Variants in PRR14 observed in about 807,000 individuals in gnomAD.
PRR14 encodes the protein proline rich 14, also known as proline-rich protein 14.
A neutral mutation model predicts 57.2 loss-of-function variants in PRR14; 33 were observed. The observed-to-expected ratio is 0.58, with a 90% CI of 0.44 to 0.77. The LOEUF is 0.77. PRR14 is among the 30% of genes least tolerant of loss of function. PRR14 has a pLI of 0.00. For missense variants in PRR14, 716 were observed against 788.1 expected (o/e 0.91, Z 1.10); for synonymous variants, 303 against 314.7 (o/e 0.96, Z 0.39).
chr16:30,655,342 T>C lies in PRR14; in HGVS notation c.1245-9T>C, dbSNP rs2052359413. On this transcript the variant is annotated splice_polypyrimidine_tract_variant and intron_variant, in intron 8 of 11. Transcript: ENST00000300835. The surrounding 1 kb of genome is among the most constrained non-coding windows in gnomAD (Gnocchi z 4.6). ...CCTGTTTGTCCCTGAGCCTTGACCT[T>C]CTTGGCAGGTTGGGTTCAACCAAAG... The C allele has an allele frequency of 1.2e-6, 2 of 1,613,828 alleles. No individual in the cohort carries two copies. Among genetic ancestry groups the C allele is most frequent in the African/African-American group, 2.7e-5 (2 of 74,922 alleles).
rs1334659599 is a variant in PRR14 at position 30,655,199 on chromosome 16, A to G, written c.1229A>G (p.Glu410Gly). ...TCCACGGCATCCACTTCCTTCTCCG[A>G]ACCAGCAGAACCCAGGTAGTGCTCT... is the stretch of plus-strand genomic sequence containing the variant. ...CSSTASTSFS[E>G]PAEPRLGSTK... The change falls in exon 8 of 12, where the codon GAA (glutamate) becomes GGA (glycine). Residue 410 changes from glutamate (E) to glycine (G), a missense_variant. Coordinates refer to ENST00000300835, the MANE Select transcript of PRR14 (RefSeq NM_024031.5). This position sits in a 1 kb window ranked among gnomAD's most constrained non-coding sequence, Gnocchi z 4.6. The G allele has an allele frequency of 3.8e-6, 6 of 1,593,336 alleles. No homozygotes were observed. The African/African-American group carries it at 6.7e-5, about 18-fold the overall frequency.
intron 6 of PRR14, 53 bp downstream of exon 6, chr16:30,653,461 C>G: frequency 6.4e-7 from 1 of 1,559,406 alleles, no homozygotes; most frequent in Non-Finnish European, 8.8e-7. Flanking sequence ...AGCCATCATC[C>G]AGGTAGCCAG....
intron 5 of PRR14, 89 bp from the exon 6 acceptor site, chr16:30,653,276 A>G: frequency 6.7e-7 from 1 of 1,487,212 alleles, no homozygotes; most frequent in Non-Finnish European, 9.4e-7. Flanking sequence ...CGTGAACCCA[A>G]GCAGCTATCC....
In PRR14 at chr16:30,655,209, A is replaced by G; in HGVS notation, c.1239A>G (p.Glu413=). 2 of 1,592,574 alleles carry G rather than the reference A, an allele frequency of 1.3e-6. No homozygotes were observed. The highest frequency in any genetic ancestry group is 2.2e-5 in the East Asian group (1 of 44,548). ...CCACTTCCTTCTCCGAACCAGCAGAACCCAGGTAGTGCTCTCAAAAAACCC... is the reference window on the plus strand; with the variant it reads ...CCACTTCCTTCTCCGAACCAGCAGAGCCCAGGTAGTGCTCTCAAAAAACCC... ...TASTSFSEPA[E]PRLGSTKGKE... Residue 413 remains glutamate, a synonymous_variant, in exon 8 of 12, where the codon GAA becomes GAG. Coordinates refer to ENST00000300835, the MANE Select transcript of PRR14 (RefSeq NM_024031.5). This position sits in a 1 kb window ranked among gnomAD's most constrained non-coding sequence, Gnocchi z 4.6.
Position 30,655,105 on chromosome 16 carries a change from T to C in PRR14, c.1135T>C (p.Cys379Arg), listed in dbSNP as rs1395659859. Residue 379 changes from cysteine (C) to arginine (R), a missense_variant, in exon 8 of 12, where the codon TGT (cysteine) becomes CGT (arginine). Coordinates refer to ENST00000300835, the MANE Select transcript of PRR14 (RefSeq NM_024031.5). The surrounding 1 kb of genome is among the most constrained non-coding windows in gnomAD (Gnocchi z 4.6). ...MARAPPPPRP[C>R]LRKEVFPLGG... is the part of the protein sequence containing the mutation. ...CCGAGCCCCGCCACCCCCTCGGCCC[T>C]GTCTCCGGAAAGAGGTCTTCCCTCT... The C allele has an allele frequency of 6.2e-7, 1 of 1,611,894 alleles. No individual in the cohort carries two copies. Among genetic ancestry groups the C allele is most frequent in the Non-Finnish European group, 8.5e-7 (1 of 1,179,918 alleles).
In PRR14 at chr16:30,656,276, G is replaced by GA. The variant is rs1391682356; in HGVS notation, c.1726dup (p.Thr576AsnfsTer21). On this transcript the variant is annotated frameshift_variant, in exon 12 of 12. Coordinates refer to ENST00000300835, the MANE Select transcript of PRR14 (RefSeq NM_024031.5). LOFTEE classifies it high-confidence loss of function. Reference sequence around the variant, plus strand: ...GCTAGATGCCTTGCTCCTGGAGGAAGAAACAGTAGATCGGGAGCAGCCCCA... The same window carrying GA: ...GCTAGATGCCTTGCTCCTGGAGGAAGAAAACAGTAGATCGGGAGCAGCCCCA... 23 of 1,613,034 alleles carry GA rather than the reference G, an allele frequency of 1.4e-5. No homozygotes were observed. Among genetic ancestry groups the GA allele is most frequent in the Non-Finnish European group, 1.8e-5 (21 of 1,179,994 alleles).
Position 30,655,480 on chromosome 16 carries a change from A to G in PRR14, c.1315-22A>G, listed in dbSNP as rs1171091607. On this transcript the variant is annotated intron_variant, in intron 9 of 11. Transcript: ENST00000300835. This position sits in a 1 kb window ranked among gnomAD's most constrained non-coding sequence, Gnocchi z 4.6. ...GGGCCTGAGCCCATGTCACTCTTTC[A>G]CCCTCTGCCCCATTTTTGCAGACCA... 1.9e-6 allele frequency: 3 copies of G among 1,613,682 alleles called. No individual in the cohort carries two copies. Among genetic ancestry groups the G allele is most frequent in the Non-Finnish European group, 2.5e-6 (3 of 1,179,760 alleles).
At position 30,655,834 on chromosome 16, in the gene PRR14, A is replaced by G. The variant is rs1158159634; in HGVS notation, c.1407-34A>G. 1.9e-6 allele frequency: 3 copies of G among 1,611,738 alleles called. No individual in the cohort carries two copies. The highest frequency in any genetic ancestry group is 2.5e-6 in the Non-Finnish European group (3 of 1,177,764). Reference sequence around the variant, plus strand: ...TGTCCCTTCAGGCCCCACTGGCCCAAGGTTTCTCAGTGGCCTCTGCTCTTT... The same window carrying G: ...TGTCCCTTCAGGCCCCACTGGCCCAGGGTTTCTCAGTGGCCTCTGCTCTTT... On this transcript the variant is annotated intron_variant, in intron 10 of 11. Transcript: ENST00000300835. The surrounding 1 kb of genome is among the most constrained non-coding windows in gnomAD (Gnocchi z 4.6).
At position 30,656,376 on chromosome 16, in the gene PRR14, T is replaced by C. The variant is rs1007761790; in HGVS notation, c.*65T>C. The C allele has an allele frequency of 2.5e-5, 36 of 1,436,914 alleles. No homozygotes were observed. The highest frequency in any genetic ancestry group is 2.8e-5 in the Non-Finnish European group (30 of 1,073,640). The allele number at this position is 1,436,914 out of a possible 1,614,324, so 89.0% of individuals were successfully genotyped here. ...AACCTCCCAGGCAGTTATTTTTTTT[T>C]CTCTATATTTCTAGTAAAGTTTTCG... On this transcript the variant is annotated 3_prime_UTR_variant, in exon 12 of 12. Transcript: ENST00000300835.
In PRR14 at chr16:30,655,677, AG is replaced by A. The variant is rs1292459556; in HGVS notation, c.1406+87del. On this transcript the variant is annotated intron_variant, in intron 10 of 11. Coordinates refer to ENST00000300835, the MANE Select transcript of PRR14 (RefSeq NM_024031.5). The surrounding 1 kb of genome is among the most constrained non-coding windows in gnomAD (Gnocchi z 4.6). ...CTGAAGTATAGCTTTGTCTCCCCTC[AG>A]GGAGCACAGTCCAGCCTGAAAGATT... The A allele has an allele frequency of 2.9e-6, 4 of 1,383,188 alleles. No homozygotes were observed. The Admixed American group carries it at 7.1e-5, about 25-fold the overall frequency. 85.7% of individuals were successfully genotyped at this position (1,383,188 alleles called of 1,614,324 possible). A position where few individuals can be genotyped will look rare whatever the true frequency, so the allele number is the denominator to read the frequency against.
rs756867357 is a variant in PRR14, at chr16:30,655,493, T to C, written c.1315-9T>C. On this transcript the variant is annotated splice_polypyrimidine_tract_variant and intron_variant, in intron 9 of 11. Coordinates refer to ENST00000300835, the MANE Select transcript of PRR14 (RefSeq NM_024031.5). The surrounding 1 kb of genome is among the most constrained non-coding windows in gnomAD (Gnocchi z 4.6). ...TGTCACTCTTTCACCCTCTGCCCCA[T>C]TTTTGCAGACCATGGGAAAGGTTTC... The C allele has an allele frequency of 3.1e-6, 5 of 1,614,098 alleles. 1 individual carries two copies. In the South Asian group the frequency reaches 5.5e-5, roughly 18 times the overall value.
At position 30,654,806 on chromosome 16, in the gene PRR14, CAAT is replaced by C; in HGVS notation, c.837_839del (p.Met280del). On this transcript the variant is annotated inframe_deletion, in exon 8 of 12. Transcript: ENST00000300835. ...CCACAGCCCCCACCCCCGTCCCCCCCAATGAAGCTGGAGTTGAAGATCGCCATC... is the reference window on the plus strand; with the variant it reads ...CCACAGCCCCCACCCCCGTCCCCCCCGAAGCTGGAGTTGAAGATCGCCATC... 6.2e-7 allele frequency: 1 copy of C among 1,601,920 alleles called. No homozygotes were observed. Among genetic ancestry groups the C allele is most frequent in the Non-Finnish European group, 8.5e-7 (1 of 1,171,462 alleles).
At position 30,654,763 on chromosome 16, in the gene PRR14, C is replaced by T. The variant is rs998735188; in HGVS notation, c.793C>T (p.Leu265Phe). The change falls in exon 8 of 12, where the codon CTC becomes TTC. Residue 265 changes from leucine (L) to phenylalanine (F), a missense_variant. Transcript: ENST00000300835. ...GCTGGAGAGCTTTGCTGACATCTTCCTCACGCCCAACAAAACCCCACAGCC... is the reference window on the plus strand; with the variant it reads ...GCTGGAGAGCTTTGCTGACATCTTCTTCACGCCCAACAAAACCCCACAGCC... ...SKLESFADIFLTPNKTPQPPP... is the reference protein window; with the variant it reads ...SKLESFADIFFTPNKTPQPPP... 2 of 1,613,282 alleles carry T rather than the reference C, an allele frequency of 1.2e-6. No homozygotes were observed. The highest frequency in any genetic ancestry group is 8.5e-7 in the Non-Finnish European group (1 of 1,179,718).
chr16:30,650,792 C>G, upstream of PRR14: 1 of 241,186 alleles, frequency 4.1e-6, no homozygotes, highest in Non-Finnish European at 9.1e-6. Context: ...GACCCGGGAT[C>G]CACGGGAGGC....
upstream of PRR14, chr16:30,650,894 C>T: frequency 2.4e-6 from 1 of 410,620 alleles, no homozygotes. Context: ...CATCTGGTCC[C>T]GGGCCGGGGG....
intron 3 of PRR14, 35 bp from the exon 4 acceptor site, chr16:30,652,686 T>TATC (rs1199637032): frequency 6.2e-7 from 1 of 1,614,024 alleles, no homozygotes; most frequent in Non-Finnish European, 8.5e-7. Flanking sequence ...AGCCTCATTC[T>TATC]ATCACCTTGC....
In PRR14 at chr16:30,655,496, T is replaced by C. The variant is rs117311765; in HGVS notation, c.1315-6T>C. 2.1e-4 allele frequency: 331 copies of C among 1,614,220 alleles called. No homozygotes were observed. Among genetic ancestry groups the C allele is most frequent in the Non-Finnish European group, 2.7e-4 (316 of 1,180,018 alleles). ...CACTCTTTCACCCTCTGCCCCATTT[T>C]TGCAGACCATGGGAAAGGTTTCTCG... On this transcript the variant is annotated splice_region_variant and splice_polypyrimidine_tract_variant and intron_variant, in intron 9 of 11. Coordinates refer to ENST00000300835, the MANE Select transcript of PRR14 (RefSeq NM_024031.5). The surrounding 1 kb of genome is among the most constrained non-coding windows in gnomAD (Gnocchi z 4.6).
chr16:30,651,878 C>T lies in PRR14; in HGVS notation c.106C>T (p.Gln36Ter). ...GARSPKRPRL[Q>*]LPGAPSPLEK... is the part of the protein sequence containing the mutation. ...CAGGAGCCCGAAACGGCCGAGGCTG[C>T]AGCTCCCGGGGGCCCCTTCTCCCCT... Residue 36 changes from glutamine (Q) to a stop codon, truncating the protein, a stop_gained, in exon 3 of 12, where the codon CAG becomes TAG. Transcript: ENST00000300835. LOFTEE classifies it high-confidence loss of function. The surrounding 1 kb of genome is among the most constrained non-coding windows in gnomAD (Gnocchi z 5.0). 1 of 1,606,642 alleles carries T rather than the reference C, an allele frequency of 6.2e-7. No homozygotes were observed. Among genetic ancestry groups the T allele is most frequent in the Non-Finnish European group, 8.5e-7 (1 of 1,177,184 alleles).
At position 30,654,920 on chromosome 16, in the gene PRR14, A is replaced by G. The variant is rs1332471142; in HGVS notation, c.950A>G (p.His317Arg). 1.9e-6 allele frequency: 3 copies of G among 1,613,036 alleles called. No individual in the cohort carries two copies. The highest frequency in any genetic ancestry group is 3.3e-5 in the Admixed American group (2 of 59,970). ...PPIRQWRTQDHNTPALLPKPS... is the reference protein window; with the variant it reads ...PPIRQWRTQDRNTPALLPKPS... ...ATCCGCCAGTGGCGAACTCAGGACC[A>G]CAATACCCCAGCACTTCTCCCTAAG... The change falls in exon 8 of 12, where the codon CAC (histidine) becomes CGC (arginine). Residue 317 changes from histidine to arginine, a missense_variant. Transcript: ENST00000300835.
Sources: allele counts gnomAD v4.1 joint callset, GRCh38; gene constraint gnomAD v4.1.1; non-coding constraint Gnocchi (gnomAD v3.1); transcripts MANE v1.5; gene names NCBI Gene and HGNC (gene_info 2026-07-23, HGNC 2026-07-21).